The following ITPR2 variants were observed in gnomAD, a reference collection of about 807,000 sequenced individuals.
ITPR2 encodes the protein inositol 1,4,5-trisphosphate-gated calcium channel ITPR2.
Under a neutral mutation model 317.1 loss-of-function variants are expected in ITPR2, and 207 were observed. The observed-to-expected ratio is 0.65, with a 90% confidence interval of 0.58 to 0.73. ITPR2 has a LOEUF of 0.73. Among genes scored for constraint, ITPR2 ranks in the 30% least tolerant of loss-of-function variants. The probability of loss-of-function intolerance (pLI) is 0.00; values close to 1 mark genes in which losing one functional copy is unlikely to be tolerated. For missense variants in ITPR2, 2,613 were observed against 3,284.0 expected (o/e 0.80, Z 4.99); for synonymous variants, 1,156 against 1,149.1 (o/e 1.01, Z -0.12).
At chr12:26,614,497 C>G (rs760811793) in intron 26 of ITPR2, among the ~76,000 whole-genome samples, 1 of 152,172 alleles carries the variant, frequency 6.6e-6, no homozygotes, top group Admixed American at 6.5e-5. Flanking sequence ...TCAAAAGATA[C>G]GAGCTCAAAA....
At chr12:26,487,038 G>T (rs779206385) in intron 40 of ITPR2, 30 bp downstream of exon 40, 40 of 1,577,868 alleles carry the variant, frequency 2.5e-5, no homozygotes, top group Non-Finnish European at 3.4e-5. Flanking sequence ...CTCTCACTCT[G>T]TTCTCCCAAA....
At chr12:26,481,571 G>A (rs1263604411) in intron 42 of ITPR2, among the ~76,000 whole-genome samples, 9 of 152,176 alleles carry the variant, frequency 5.9e-5, no homozygotes, top group Admixed American at 5.9e-4. Flanking sequence ...ATCAACAGAG[G>A]AGATCTTTAA....
rs748769790 is a variant in ITPR2, at chr12:26,439,343, T to C, written c.6451-24A>G. 1.0e-5 allele frequency: 16 copies of C among 1,562,516 alleles called. 1 individual carries two copies. In the South Asian group the frequency reaches 1.8e-4, roughly 17 times the overall value. ...ATCTGAAAACATTAATTTGCATTGT[T>C]TTTAGCCTTTCGGACACCTCAGTCT... On this transcript the variant is annotated intron_variant, in intron 46 of 56. Coordinates refer to ENST00000381340, the MANE Select transcript of ITPR2 (RefSeq NM_002223.4).
chr12:26,482,361 A>G (rs77654839), intron 42 of ITPR2, among the ~76,000 whole-genome samples: 4,050 of 152,310 alleles, frequency 0.027, 180 homozygotes, highest in African/African-American at 0.09. Context: ...TTTTACTTTT[A>G]GAACTTATTT....
At position 26,427,486 on chromosome 12, in the gene ITPR2, T is replaced by C. The variant is rs532615372; in HGVS notation, c.6945+427A>G. Among the ~76,000 whole-genome samples the C allele has an allele frequency of 3.3e-5, 5 of 152,306 alleles. No homozygotes were observed. In the South Asian group the frequency reaches 8.3e-4, roughly 25 times the overall value. On this transcript the variant is annotated intron_variant, in intron 49 of 56. Transcript: ENST00000381340. ...GAACCCAATTTAATATTTTCTCATA[T>C]AGAAATCCTTTTTCTTAGGTCATTT...
At chr12:26,595,418 A>C in intron 32 of ITPR2, 47 bp downstream of exon 32, 2 of 1,562,730 alleles carry the variant, frequency 1.3e-6, no homozygotes, top group Admixed American at 2.0e-5. Flanking sequence ...AATACTATTT[A>C]GTCGAAATAT....
At chr12:26,344,765 A>G (rs1938249020) in intron 55 of ITPR2, among the ~76,000 whole-genome samples, 4 of 152,230 alleles carry the variant, frequency 2.6e-5, no homozygotes, top group South Asian at 4.1e-4. Context: ...ATCCAGCACA[A>G]TTCTCGTGCT....
At chr12:26,497,412 C>T (rs1942963125) in intron 37 of ITPR2, among the ~76,000 whole-genome samples, 1 of 152,208 alleles carries the variant, frequency 6.6e-6, no homozygotes, top group South Asian at 2.1e-4. Flanking sequence ...CCTCGGCCTC[C>T]CAAAGTGCTG....
Position 26,443,562 on chromosome 12 carries a change from T to C in ITPR2, c.6431A>G (p.Asn2144Ser). ...GGTTACCTCAATCTGTGCAGTGTGG[T>C]TGGCATAATACTTTAAGGCTTCATC... is the stretch of plus-strand genomic sequence containing the variant. ...EGDEALKYYA[N>S]HTAQIEIVRH... The change falls in exon 46 of 57, where the codon AAC (asparagine) becomes AGC (serine). Residue 2144 changes from asparagine (N) to serine (S), a missense_variant. Physicochemically the swap from Asn to Ser is conservative, Grantham distance 46. Transcript: ENST00000381340. The C allele has an allele frequency of 3.1e-6, 5 of 1,612,114 alleles. No individual in the cohort carries two copies. The Middle Eastern group carries it at 5.0e-4, about 160-fold the overall frequency.
intron 32 of ITPR2, among the ~76,000 whole-genome samples, chr12:26,591,247 A>T (rs1453522813): frequency 6.6e-6 from 1 of 152,212 alleles, no homozygotes; most frequent in Admixed American, 6.5e-5. Flanking sequence ...GAAAAAATAG[A>T]ATAATCCGAT....
chr12:26,775,943 T>TATATATATATACATAC (rs1949956893), intron 2 of ITPR2, among the ~76,000 whole-genome samples: 1 of 145,890 alleles, frequency 6.9e-6, no homozygotes, highest in African/African-American at 2.5e-5. Context: ...CATATATATA[T>TATATATATATACATAC]ATATGTATAT....
chr12:26,394,297 C>T (rs1939928999), intron 54 of ITPR2, among the ~76,000 whole-genome samples: 1 of 152,130 alleles, frequency 6.6e-6, no homozygotes, highest in South Asian at 2.1e-4. Context: ...TATGAGAATG[C>T]ATGGCATCCA....
intron 37 of ITPR2, among the ~76,000 whole-genome samples, chr12:26,522,453 A>C (rs1474825440): frequency 6.6e-6 from 1 of 152,214 alleles, no homozygotes; most frequent in Non-Finnish European, 1.5e-5. Context: ...AACTTGGCCC[A>C]GTTTGTGGGT....
intron 55 of ITPR2, among the ~76,000 whole-genome samples, chr12:26,347,139 C>T (rs1192420683): frequency 6.6e-6 from 1 of 152,184 alleles, no homozygotes; most frequent in East Asian, 1.9e-4. Context: ...TTCCATATTA[C>T]ATAGTGGAAT....
At chr12:26,712,501 C>T (rs1403887941) in intron 8 of ITPR2, among the ~76,000 whole-genome samples, 3 of 152,228 alleles carry the variant, frequency 2.0e-5, no homozygotes, top group Admixed American at 2.0e-4. Flanking sequence ...CAAATTCTCA[C>T]ATCACATTTC....
chr12:26,391,566 T>C (rs71435702), intron 54 of ITPR2, among the ~76,000 whole-genome samples: 9,474 of 128,454 alleles, frequency 0.074, 556 homozygotes, highest in Non-Finnish European at 0.11. Context: ...CTTTTTTTTT[T>C]TTTTTTTTTT....
At chr12:26,714,396 A>G (rs1311197335) in intron 8 of ITPR2, among the ~76,000 whole-genome samples, 2 of 152,164 alleles carry the variant, frequency 1.3e-5, no homozygotes. Flanking sequence ...CTCAAATCCA[A>G]ACATATCCAT....
At chr12:26,486,402 C>T (rs1259126196) in intron 40 of ITPR2, 42 bp from the exon 41 acceptor site, 6 of 1,372,484 alleles carry the variant, frequency 4.4e-6, no homozygotes, top group East Asian at 2.4e-5. Context: ...AACCAATTTG[C>T]TTTTACTAAT....
intron 2 of ITPR2, among the ~76,000 whole-genome samples, chr12:26,743,934 C>T (rs1949276279): frequency 6.6e-6 from 1 of 152,104 alleles, no homozygotes; most frequent in African/African-American, 2.4e-5. Context: ...AAAACAATGA[C>T]ACCTCTATAG....
Sources: allele counts gnomAD v4.1 joint callset (sites outside exome capture counted in the v4.1 genomes callset), GRCh38; gene constraint gnomAD v4.1.1; transcripts MANE v1.5; gene names NCBI Gene and HGNC (gene_info 2026-07-23, HGNC 2026-07-21).